Variants in TAFA1 observed in about 807,000 individuals in gnomAD.
TAFA1 encodes TAFA chemokine like family member 1.
A neutral mutation model predicts 18.5 loss-of-function variants in TAFA1; 4 were observed. That is an observed-to-expected ratio of 0.22 (90% CI 0.11 to 0.49). The LOEUF (loss-of-function observed/expected upper bound fraction) is 0.49. Ranked by LOEUF, TAFA1 falls within the 20% of genes least tolerant of loss-of-function variation. TAFA1 has a pLI of 0.98. For missense variants in TAFA1, 147 were observed against 169.0 expected, an observed-to-expected ratio of 0.87 and a Z score of 0.72; for synonymous variants, 56 against 55.2, an observed-to-expected ratio of 1.01 and a Z score of -0.06.
intron 3 of TAFA1, among the ~76,000 whole-genome samples, chr3:68,493,940 G>A (rs1408427868): frequency 6.6e-6 from 1 of 152,124 alleles, no homozygotes; most frequent in East Asian, 1.9e-4. Flanking sequence ...TTCAGAATCT[G>A]ATAACCAGGA....
chr3:68,331,267 G>T (rs1404188508), intron 2 of TAFA1, among the ~76,000 whole-genome samples: 1 of 152,092 alleles, frequency 6.6e-6, no homozygotes, highest in Admixed American at 6.6e-5. Flanking sequence ...TAAATAAATG[G>T]TTGCTAGGGT....
intron 3 of TAFA1, among the ~76,000 whole-genome samples, chr3:68,474,676 C>A (rs903865989): frequency 3.3e-5 from 5 of 152,188 alleles, no homozygotes; most frequent in African/African-American, 9.7e-5. Flanking sequence ...ATCTCTCTAA[C>A]TATATTCCCA....
At chr3:67,997,076 A>G in the TAFA1 span, among the ~76,000 whole-genome samples, 1 of 152,274 alleles carries the variant, frequency 6.6e-6, no homozygotes, top group East Asian at 1.9e-4. Flanking sequence ...GTTAGGAAAA[A>G]GGAAGGGGAA....
chr3:68,512,168 A>G (rs2665552), intron 3 of TAFA1, among the ~76,000 whole-genome samples: 32,991 of 152,012 alleles, frequency 0.22, 3,688 homozygotes, highest in Middle Eastern at 0.24. Context: ...CGTGATGCAC[A>G]GAGGAGTGTA....
At chr3:68,491,751 A>G (rs966087707) in intron 3 of TAFA1, among the ~76,000 whole-genome samples, 1 of 152,184 alleles carries the variant, frequency 6.6e-6, no homozygotes, top group Non-Finnish European at 1.5e-5. Flanking sequence ...TCTGATAACC[A>G]CTACTCTGGA....
chr3:68,253,918 A>C (rs1037368135), intron 2 of TAFA1, among the ~76,000 whole-genome samples: 1 of 152,202 alleles, frequency 6.6e-6, no homozygotes, highest in Non-Finnish European at 1.5e-5. Context: ...ATTGAAGGTC[A>C]TTATCATGTG....
intron 2 of TAFA1, among the ~76,000 whole-genome samples, chr3:68,079,567 T>C (rs1297158269): frequency 6.6e-6 from 1 of 152,216 alleles, no homozygotes; most frequent in Admixed American, 6.5e-5. Flanking sequence ...CATTTCGTTA[T>C]GTACCTAGTA....
chr3:68,267,099 C>A (rs1244442097), intron 2 of TAFA1, among the ~76,000 whole-genome samples: 2 of 152,186 alleles, frequency 1.3e-5, no homozygotes, highest in Admixed American at 1.3e-4. Flanking sequence ...TTTCTCCTCA[C>A]AACAAGTCAA....
At chr3:68,267,415 ACT>A (rs2067569218) in intron 2 of TAFA1, among the ~76,000 whole-genome samples, 1 of 152,180 alleles carries the variant, frequency 6.6e-6, no homozygotes, top group Non-Finnish European at 1.5e-5. Context: ...AGTTTTAGTA[ACT>A]CATATAAGTT....
intron 2 of TAFA1, among the ~76,000 whole-genome samples, chr3:68,067,792 C>T (rs2064699798): frequency 6.6e-6 from 1 of 151,912 alleles, no homozygotes; most frequent in South Asian, 2.1e-4. Flanking sequence ...CAAACATTTA[C>T]TGATTGCCTA....
intron 2 of TAFA1, among the ~76,000 whole-genome samples, chr3:68,102,198 G>A (rs529731151): frequency 2.0e-5 from 3 of 152,158 alleles, no homozygotes; most frequent in South Asian, 2.1e-4. Context: ...AGGTAGAAAC[G>A]TCAATGTTGG....
At chr3:68,225,800 GT>G (rs2066791536) in intron 2 of TAFA1, among the ~76,000 whole-genome samples, 1 of 151,854 alleles carries the variant, frequency 6.6e-6, no homozygotes, top group Admixed American at 6.6e-5. Context: ...TCTTGAGCAT[GT>G]TTTTTGAAGT....
chr3:68,263,243 C>A (rs918158765), intron 2 of TAFA1, among the ~76,000 whole-genome samples: 1 of 151,946 alleles, frequency 6.6e-6, no homozygotes, highest in Non-Finnish European at 1.5e-5. Flanking sequence ...ATGGTATAAA[C>A]CAATATATTA....
At chr3:68,302,654 G>C (rs1003328359) in intron 2 of TAFA1, among the ~76,000 whole-genome samples, 4 of 151,754 alleles carry the variant, frequency 2.6e-5, no homozygotes, top group African/African-American at 9.7e-5. Flanking sequence ...ACAATGTCTG[G>C]TATCGAAGGT....
chr3:68,316,661 A>G (rs1442905740), intron 2 of TAFA1, among the ~76,000 whole-genome samples: 1 of 152,188 alleles, frequency 6.6e-6, no homozygotes, highest in Non-Finnish European at 1.5e-5. Context: ...TTTTATAACA[A>G]ATATTTATTG....
At chr3:68,035,467 GT>G (rs1410300797) in intron 2 of TAFA1, among the ~76,000 whole-genome samples, 1 of 151,934 alleles carries the variant, frequency 6.6e-6, no homozygotes, top group Non-Finnish European at 1.5e-5. Context: ...ATTATTATCT[GT>G]TTAAGATCTC....
chr3:68,339,407 T>C (rs979062678), intron 2 of TAFA1, among the ~76,000 whole-genome samples: 1 of 152,246 alleles, frequency 6.6e-6, no homozygotes, highest in African/African-American at 2.4e-5. Flanking sequence ...TTACTGTTTA[T>C]AAATGATTAT....
At chr3:68,372,778 T>G (rs1208641357) in intron 2 of TAFA1, among the ~76,000 whole-genome samples, 1 of 151,922 alleles carries the variant, frequency 6.6e-6, no homozygotes, top group Non-Finnish European at 1.5e-5. Flanking sequence ...AAACAATACA[T>G]TTAGCACTAA....
intron 2 of TAFA1, among the ~76,000 whole-genome samples, chr3:68,100,569 A>G (rs1356799766): frequency 6.6e-6 from 1 of 152,174 alleles, no homozygotes; most frequent in African/African-American, 2.4e-5. Context: ...TCTTTCATGC[A>G]TGTTTAGACT....
Sources: allele counts gnomAD v4.1 joint callset (sites outside exome capture counted in the v4.1 genomes callset), GRCh38; gene constraint gnomAD v4.1.1; transcripts MANE v1.5; gene names NCBI Gene and HGNC (gene_info 2026-07-23, HGNC 2026-07-21).